AUTS2: variants seen among roughly 807,000 people sequenced by gnomAD.
AUTS2 encodes autism susceptibility gene 2 protein.
In AUTS2, 17 loss-of-function variants were observed where a neutral mutation model predicts 112.4. The ratio of observed to expected loss-of-function variants is 0.15; its 90% confidence interval spans 0.10 to 0.23. The LOEUF is 0.23. Among genes scored for constraint, AUTS2 ranks in the 10% least tolerant of loss-of-function variants. AUTS2 has a pLI of 1.00. For missense variants in AUTS2, 1,510 were observed against 1,701.6 expected, an observed-to-expected ratio of 0.89 and a Z score of 1.98; for synonymous variants, 751 against 702.7, an observed-to-expected ratio of 1.07 and a Z score of -1.09.
chr7:69,632,686 AGG>A (rs1319022612), intron 1 of AUTS2, among the ~76,000 whole-genome samples: 6 of 150,012 alleles, frequency 4.0e-5, no homozygotes, highest in African/African-American at 1.5e-4. Context: ...GTTCATATAT[AGG>A]TAGTAGAGCC....
At chr7:69,760,526 A>G (rs1788140286) in intron 1 of AUTS2, among the ~76,000 whole-genome samples, 1 of 152,158 alleles carries the variant, frequency 6.6e-6, no homozygotes, top group African/African-American at 2.4e-5. Flanking sequence ...CTGCCCATTC[A>G]AAATAATTAC....
At chr7:69,734,017 C>T (rs746933596) in intron 1 of AUTS2, among the ~76,000 whole-genome samples, 5 of 152,074 alleles carry the variant, frequency 3.3e-5, no homozygotes, top group Non-Finnish European at 7.4e-5. Flanking sequence ...AATGCAATAG[C>T]TCTGAGGCAA....
At chr7:70,253,853 G>A (rs1261555039) in intron 4 of AUTS2, among the ~76,000 whole-genome samples, 1 of 151,936 alleles carries the variant, frequency 6.6e-6, no homozygotes, top group African/African-American at 2.4e-5. Context: ...AGCACTGAAT[G>A]TGTAGTAGGT....
At chr7:70,431,811 G>A (rs1317493268) in intron 4 of AUTS2, among the ~76,000 whole-genome samples, 2 of 152,248 alleles carry the variant, frequency 1.3e-5, no homozygotes, top group African/African-American at 4.8e-5. Flanking sequence ...ACCAGGGGAA[G>A]AGACGGTGAA....
intron 5 of AUTS2, among the ~76,000 whole-genome samples, chr7:70,491,437 C>CACATAATATATATGTT (rs1562989898): frequency 1.7e-4 from 19 of 110,030 alleles, no homozygotes; most frequent in African/African-American, 4.6e-4. Context: ...CACACACACA[C>CACATAATATATATGTT]ATATATACAC....
intron 6 of AUTS2, among the ~76,000 whole-genome samples, chr7:70,756,215 C>A (rs1183434314): frequency 6.6e-6 from 1 of 152,152 alleles, no homozygotes; most frequent in African/African-American, 2.4e-5. Flanking sequence ...GAGATATTTT[C>A]TGTGACATTA....
chr7:69,787,458 G>C (rs1789427917), intron 1 of AUTS2, among the ~76,000 whole-genome samples: 1 of 152,224 alleles, frequency 6.6e-6, no homozygotes, highest in African/African-American at 2.4e-5. Flanking sequence ...GAGACGAGTA[G>C]AGCAAGAGGA....
chr7:70,777,242 A>G, intron 14 of AUTS2, 68 bp downstream of exon 14: 2 of 1,416,052 alleles, frequency 1.4e-6, no homozygotes, highest in Non-Finnish European at 2.0e-6. Context: ...TGCTCGGGAG[A>G]ACCTGATGAA....
chr7:69,708,421 G>T (rs149013946), intron 1 of AUTS2, among the ~76,000 whole-genome samples: 1 of 152,180 alleles, frequency 6.6e-6, no homozygotes, highest in African/African-American at 2.4e-5. Flanking sequence ...ACATGGGAGG[G>T]TATTAGCAAC....
chr7:70,377,325 A>AAT (rs58244266), intron 4 of AUTS2, among the ~76,000 whole-genome samples: 1,182 of 51,806 alleles, frequency 0.023, 17 homozygotes, highest in Non-Finnish European at 0.026. Flanking sequence ...AACAAATATA[A>AAT]ATATATATAT....
intron 1 of AUTS2, among the ~76,000 whole-genome samples, chr7:69,667,795 A>T (rs1249257503): frequency 1.3e-5 from 2 of 152,084 alleles, no homozygotes; most frequent in Non-Finnish European, 2.9e-5. Flanking sequence ...AGTAGCGGCA[A>T]TTACCATTGG....
intron 1 of AUTS2, among the ~76,000 whole-genome samples, chr7:69,758,983 G>A (rs987159374): frequency 1.3e-5 from 2 of 152,106 alleles, no homozygotes; most frequent in African/African-American, 4.8e-5. Context: ...AATAAATGTG[G>A]GTGAGGATAA....
At chr7:69,936,083 C>G (rs1272791396) in intron 2 of AUTS2, among the ~76,000 whole-genome samples, 2 of 152,226 alleles carry the variant, frequency 1.3e-5, no homozygotes, top group Non-Finnish European at 2.9e-5. Flanking sequence ...GTTGGAAATT[C>G]TTGTCCTCTA....
intron 4 of AUTS2, among the ~76,000 whole-genome samples, chr7:70,202,989 A>G (rs1289820268): frequency 1.0e-4 from 12 of 118,742 alleles, no homozygotes; most frequent in Non-Finnish European, 1.9e-4. Context: ...AATGTGGCAC[A>G]TATACACCAT....
At chr7:70,662,779 C>T (rs1460737619) in intron 5 of AUTS2, among the ~76,000 whole-genome samples, 1 of 152,176 alleles carries the variant, frequency 6.6e-6, no homozygotes, top group African/African-American at 2.4e-5. Context: ...TTGTCAGCAG[C>T]AGGGTTGGGA....
intron 4 of AUTS2, among the ~76,000 whole-genome samples, chr7:70,399,038 A>G (rs1412553853): frequency 6.7e-6 from 1 of 149,890 alleles, no homozygotes; most frequent in Non-Finnish European, 1.5e-5. Flanking sequence ...CCAGGCTGGA[A>G]TGCAGTGGTG....
intron 5 of AUTS2, among the ~76,000 whole-genome samples, chr7:70,551,639 C>G (rs1474219890): frequency 6.6e-6 from 1 of 152,046 alleles, no homozygotes; most frequent in African/African-American, 2.4e-5. Context: ...AATGGGCCAC[C>G]CTAGATGGGA....
chr7:70,188,552 C>T (rs888776072), intron 4 of AUTS2, among the ~76,000 whole-genome samples: 8 of 151,398 alleles, frequency 5.3e-5, no homozygotes, highest in Non-Finnish European at 1.2e-4. Context: ...ATCAGCAGCC[C>T]GTTAGGTAGA....
At chr7:70,570,420 A>T (rs542480236) in intron 5 of AUTS2, among the ~76,000 whole-genome samples, 1 of 152,286 alleles carries the variant, frequency 6.6e-6, no homozygotes, top group Non-Finnish European at 1.5e-5. Flanking sequence ...TGTTAAAGTG[A>T]TTAATTGACT....
Sources: gnomAD v4.1 joint callset for allele counts (sites outside exome capture counted in the v4.1 genomes callset) on GRCh38, gnomAD v4.1.1 for gene constraint, MANE v1.5 for transcripts, NCBI Gene and HGNC (gene_info 2026-07-23, HGNC 2026-07-21) for gene names.